Variants in MARCHF1 observed in about 807,000 individuals in gnomAD.
MARCHF1 encodes E3 ubiquitin-protein ligase MARCHF1.
A neutral mutation model predicts 54.2 loss-of-function variants in MARCHF1; 40 were observed. The ratio of observed to expected loss-of-function variants is 0.74; its 90% CI spans 0.57 to 0.96. The LOEUF (loss-of-function observed/expected upper bound fraction) is 0.96. MARCHF1 is among the 40% of genes least tolerant of loss of function. MARCHF1 has a pLI of 0.00. For synonymous variants in MARCHF1, 236 were observed against 236.3 expected, an observed-to-expected ratio of 1.00 and a Z score of 0.01; for missense variants, 586 against 656.5, an observed-to-expected ratio of 0.89 and a Z score of 1.17.
At chr4:164,327,384 G>C (rs930075838) in intron 1 of MARCHF1, among the ~76,000 whole-genome samples, 5 of 152,156 alleles carry the variant, frequency 3.3e-5, no homozygotes, top group Admixed American at 1.3e-4. Context: ...AGTGATGAGA[G>C]AATGAAGCCT....
chr4:164,163,136 C>A (rs1730285207), intron 1 of MARCHF1, among the ~76,000 whole-genome samples: 1 of 151,302 alleles, frequency 6.6e-6, no homozygotes, highest in Non-Finnish European at 1.5e-5. Context: ...GCACTTCAGG[C>A]AAAAAATAAA....
chr4:163,881,450 A>G (rs1750413705), intron 3 of MARCHF1, among the ~76,000 whole-genome samples: 1 of 151,868 alleles, frequency 6.6e-6, no homozygotes, highest in Non-Finnish European at 1.5e-5. Context: ...CAGCCTGGGC[A>G]ACAAGAGCGA....
chr4:163,973,615 C>T (rs762563538), intron 3 of MARCHF1, among the ~76,000 whole-genome samples: 11 of 152,126 alleles, frequency 7.2e-5, no homozygotes, highest in Admixed American at 1.3e-4. Flanking sequence ...AAAACAAATA[C>T]GGGTTGTTAC....
At chr4:163,657,983 A>C (rs1743210191) in intron 5 of MARCHF1, among the ~76,000 whole-genome samples, 1 of 151,384 alleles carries the variant, frequency 6.6e-6, no homozygotes, top group Non-Finnish European at 1.5e-5. Context: ...AGGCAATATC[A>C]TTCAGGACAT....
At chr4:163,661,128 CTCTT>C (rs1233227064) in intron 5 of MARCHF1, among the ~76,000 whole-genome samples, 7 of 151,974 alleles carry the variant, frequency 4.6e-5, no homozygotes, top group African/African-American at 1.4e-4. Flanking sequence ...GCCCATCCAT[CTCTT>C]TCTTCTGTTC....
chr4:163,909,431 T>C (rs1324308860), intron 3 of MARCHF1, among the ~76,000 whole-genome samples: 1 of 152,202 alleles, frequency 6.6e-6, no homozygotes, highest in East Asian at 1.9e-4. Flanking sequence ...TCATGTTTAA[T>C]CCATACTCAT....
In MARCHF1 at chr4:163,873,066, C is replaced by A. The variant is rs566602744; in HGVS notation, c.-38-18897G>T. 2.7e-4 allele frequency among the ~76,000 whole-genome samples: 36 copies of A among 132,704 alleles called. No homozygotes were observed. In the South Asian group the frequency reaches 4.1e-3, roughly 15 times the overall value. The allele number at this position is 132,704 out of a possible 152,430, so 87.1% of individuals were successfully genotyped here. On this transcript the variant is annotated intron_variant, in intron 3 of 9. Transcript: ENST00000514618. ...CTCAAAAAAAAAACAAACAAACAAA[C>A]AAAAAAAAACAAACAAACAAACAAA...
intron 4 of MARCHF1, among the ~76,000 whole-genome samples, chr4:163,853,404 C>T (rs905287306): frequency 6.6e-6 from 1 of 152,086 alleles, no homozygotes; most frequent in Non-Finnish European, 1.5e-5. Flanking sequence ...AAACAAAGAA[C>T]ATTTAAAATT....
rs568907090 is a variant in MARCHF1, at chr4:163,648,655, GA to G, written c.163-35263del. 6.6e-3 allele frequency among the ~76,000 whole-genome samples: 857 copies of G among 129,566 alleles called. 5 individuals are homozygous for G. Among genetic ancestry groups the G allele is most frequent in the African/African-American group, 0.02 (696 of 35,108 alleles). 85.0% of individuals were successfully genotyped at this position (129,566 alleles called of 152,430 possible). On this transcript the variant is annotated intron_variant, in intron 5 of 9. Transcript: ENST00000514618. ...CTAGAGAGGAAAGCAAATGTTGTTG[GA>G]AAAAAAAAAAACAAGGAGCTGAAAA...
At position 163,698,164 on chromosome 4, in the gene MARCHF1, T is replaced by C. The variant is rs567265275; in HGVS notation, c.162+2649A>G. ...CCATCCAATCACTCCATTATACTGA[T>C]TCTCATACACTAGAAATGCTCACAG... On this transcript the variant is annotated intron_variant, in intron 5 of 9. Coordinates refer to ENST00000514618, the MANE Select transcript of MARCHF1 (RefSeq NM_001394959.1). 2.6e-4 allele frequency among the ~76,000 whole-genome samples: 39 copies of C among 152,308 alleles called. 1 individual carries two copies. The South Asian group carries it at 7.7e-3, about 30-fold the overall frequency.
At chr4:164,248,444 A>G (rs1013565356) in intron 1 of MARCHF1, among the ~76,000 whole-genome samples, 2 of 152,046 alleles carry the variant, frequency 1.3e-5, no homozygotes, top group African/African-American at 2.4e-5. Context: ...TTCTTGGAGA[A>G]AAAAGGATTA....
chr4:163,531,276 A>T (rs1738340687), intron 9 of MARCHF1, among the ~76,000 whole-genome samples: 1 of 151,916 alleles, frequency 6.6e-6, no homozygotes. Context: ...AAAAACAGTT[A>T]CACACTACAG....
intron 3 of MARCHF1, among the ~76,000 whole-genome samples, chr4:163,981,806 C>G (rs1439031457): frequency 3.9e-5 from 6 of 152,334 alleles, no homozygotes; most frequent in African/African-American, 1.4e-4. Flanking sequence ...CTCCAAGACT[C>G]TTCCACATGA....
At chr4:163,756,162 C>CA (rs2110802375) in intron 4 of MARCHF1, among the ~76,000 whole-genome samples, 1 of 152,264 alleles carries the variant, frequency 6.6e-6, no homozygotes, top group Admixed American at 6.5e-5. Context: ...TTTAGACCAT[C>CA]ACAGAAGCCC....
intron 1 of MARCHF1, among the ~76,000 whole-genome samples, chr4:164,136,805 G>A (rs114389437): frequency 0.015 from 2,210 of 152,246 alleles, 47 homozygotes; most frequent in African/African-American, 0.05. Flanking sequence ...TACCTGGGAC[G>A]GTTAAAGTTA....
chr4:163,926,786 T>C (rs1381091368), intron 3 of MARCHF1, among the ~76,000 whole-genome samples: 1 of 151,642 alleles, frequency 6.6e-6, no homozygotes, highest in East Asian at 1.9e-4. Context: ...TGGATTACTA[T>C]TTCTAATCCA....
intron 4 of MARCHF1, among the ~76,000 whole-genome samples, chr4:163,831,495 G>GT (rs1475313458): frequency 3.9e-5 from 6 of 152,180 alleles, no homozygotes; most frequent in Non-Finnish European, 8.8e-5. Context: ...GGAGTCTGAG[G>GT]TGGGGGGATT....
At chr4:163,752,395 G>A (rs1038976) in intron 4 of MARCHF1, among the ~76,000 whole-genome samples, 3,695 of 152,258 alleles carry the variant, frequency 0.024, 150 homozygotes, top group African/African-American at 0.083. Flanking sequence ...ACCATAGGAA[G>A]GCAGTGTGGT....
intron 4 of MARCHF1, among the ~76,000 whole-genome samples, chr4:163,727,771 C>T (rs1253077332): frequency 6.6e-6 from 1 of 152,052 alleles, no homozygotes; most frequent in Non-Finnish European, 1.5e-5. Flanking sequence ...CTCCTGGGCT[C>T]AAATGATCCT....
Sources: allele counts gnomAD v4.1 joint callset (sites outside exome capture counted in the v4.1 genomes callset), GRCh38; gene constraint gnomAD v4.1.1; transcripts MANE v1.5; gene names NCBI Gene and HGNC (gene_info 2026-07-23, HGNC 2026-07-21).